Variants in GYS2 observed in about 807,000 individuals in gnomAD.
The protein encoded by GYS2 is glycogen synthase 2, also known as glycogen [starch] synthase, liver.
GYS2 carries 80 observed loss-of-function variants against 85.6 expected under a neutral mutation model. The observed-to-expected ratio is 0.93, with a 90% CI of 0.78 to 1.13. GYS2 has a LOEUF of 1.13. GYS2 is among the 50% of genes most tolerant of loss of function. GYS2 has a pLI of 0.00. For synonymous variants in GYS2, 328 were observed against 300.7 expected, an observed-to-expected ratio of 1.09 and a Z score of -0.94; for missense variants, 881 against 854.9, an observed-to-expected ratio of 1.03 and a Z score of -0.38.
chr12:21,539,376 C>G, intron 14 of GYS2, 38 bp from the exon 15 acceptor site: 1 of 1,055,812 alleles, frequency 9.5e-7, no homozygotes, highest in Non-Finnish European at 1.5e-6. Flanking sequence ...TAATAAAAAC[C>G]CTTAGATATC....
chr12:21,563,616 C>T (rs957560626), intron 5 of GYS2, among the ~76,000 whole-genome samples: 2 of 152,088 alleles, frequency 1.3e-5, no homozygotes, highest in Non-Finnish European at 2.9e-5. Context: ...TAATCAATAA[C>T]AATAATAATG....
intron 10 of GYS2, among the ~76,000 whole-genome samples, 159 bp downstream of exon 10, chr12:21,558,932 A>G (rs932468598): frequency 2.6e-5 from 4 of 152,222 alleles, no homozygotes; most frequent in African/African-American, 9.6e-5. Context: ...CCACTAATGA[A>G]AAAATGTCCA....
intron 3 of GYS2, among the ~76,000 whole-genome samples, chr12:21,575,225 CA>C (rs1405794592): frequency 6.6e-6 from 1 of 152,148 alleles, no homozygotes; most frequent in Non-Finnish European, 1.5e-5. Flanking sequence ...AATCAAATAG[CA>C]GCTTTGTAAC....
Position 21,563,338 on chromosome 12 carries a change from A to G in GYS2, c.831T>C (p.Val277=), listed in dbSNP as rs756223943. ...TCTTAACATTCAAGCCGTTTGGAGTAACTACATCTAGAAAGGCAAAACAAA... is the reference window on the plus strand; with the variant it reads ...TCTTAACATTCAAGCCGTTTGGAGTGACTACATCTAGAAAGGCAAAACAAA... ...EHMLKRKPDV[V]TPNGLNVKKF... The change falls in exon 6 of 16, where the codon GTT becomes GTC. Residue 277 remains valine (V), a synonymous_variant. Transcript: ENST00000261195. 42 of 1,552,026 alleles carry G rather than the reference A, an allele frequency of 2.7e-5. No individual in the cohort carries two copies. In the Middle Eastern group the frequency reaches 1.0e-3, roughly 37 times the overall value.
At chr12:21,562,459 G>T (rs2136881017) in intron 7 of GYS2, among the ~76,000 whole-genome samples, 1 of 152,176 alleles carries the variant, frequency 6.6e-6, no homozygotes, top group South Asian at 2.1e-4. Context: ...GTCATAACAA[G>T]GTTCAGTATT....
rs149141721 is a variant in GYS2 at position 21,571,269 on chromosome 12, T to C, written c.679-2260A>G. Among the ~76,000 whole-genome samples, 596 of 152,334 alleles carry C rather than the reference T, an allele frequency of 3.9e-3. 4 individuals are homozygous for C. The highest frequency in any genetic ancestry group is 0.014 in the African/African-American group (562 of 41,574). On this transcript the variant is annotated intron_variant, in intron 4 of 15. Transcript: ENST00000261195. ...GTACGCGTGGCCACTCCTGTGGCTT[T>C]ACAGAAACCTTATCCGTTTACACAT...
At chr12:21,556,799 A>T (rs990015172) in intron 11 of GYS2, among the ~76,000 whole-genome samples, 4 of 152,202 alleles carry the variant, frequency 2.6e-5, no homozygotes, top group Non-Finnish European at 5.9e-5. Flanking sequence ...GTCACTAAGG[A>T]TGACCTTTTC....
chr12:21,533,415 T>G (rs1034400019), downstream of GYS2, among the ~76,000 whole-genome samples: 7 of 152,234 alleles, frequency 4.6e-5, no homozygotes, highest in African/African-American at 1.7e-4. Flanking sequence ...CATTATTTTA[T>G]CTTGACCACA....
intron 11 of GYS2, among the ~76,000 whole-genome samples, chr12:21,548,819 C>CT (rs1271799055): frequency 5.3e-5 from 8 of 151,830 alleles, no homozygotes; most frequent in South Asian, 2.1e-4. Flanking sequence ...TTTCCCAGCG[C>CT]TTTTTTTTGG....
Position 21,558,214 on chromosome 12 carries a change from T to A in GYS2, c.1408A>T (p.Thr470Ser). The A allele has an allele frequency of 6.2e-7, 1 of 1,601,706 alleles. No individual in the cohort carries two copies. Among genetic ancestry groups the A allele is most frequent in the African/African-American group, 1.3e-5 (1 of 74,838 alleles). Residue 470 changes from threonine to serine, a missense_variant, in exon 11 of 16, where the codon ACA becomes TCA. Transcript: ENST00000261195. ...IRRIGLFNNR[T>S]DRVKVILHPE... Reference sequence around the variant, plus strand: ...ATTTGTTCTACCTTGACTCTATCTGTGCGGTTGTTGAAAAGTCCAATCCGT... The same window carrying A: ...ATTTGTTCTACCTTGACTCTATCTGAGCGGTTGTTGAAAAGTCCAATCCGT...
intron 1 of GYS2, among the ~76,000 whole-genome samples, chr12:21,586,256 C>G (rs1388683187): frequency 1.3e-5 from 2 of 152,132 alleles, no homozygotes; most frequent in East Asian, 3.9e-4. Context: ...ACATCTTTCT[C>G]CCATGCTGGA....
At chr12:21,539,715 A>G (rs1315864126) in intron 14 of GYS2, among the ~76,000 whole-genome samples, 2 of 152,200 alleles carry the variant, frequency 1.3e-5, no homozygotes, top group African/African-American at 4.8e-5. Flanking sequence ...ACCTTAGGCA[A>G]GAAACATCAC....
chr12:21,552,536 A>G (rs545031595), intron 11 of GYS2, among the ~76,000 whole-genome samples: 1 of 152,360 alleles, frequency 6.6e-6, no homozygotes, highest in African/African-American at 2.4e-5. Flanking sequence ...TTAATAAAAT[A>G]TAATACCTAA....
chr12:21,572,985 A>G lies in GYS2; in HGVS notation c.678+1159T>C, dbSNP rs558737431. On this transcript the variant is annotated intron_variant, in intron 4 of 15. Transcript: ENST00000261195. ...GCCCTTATTAGTCCACCATTACTAT[A>G]TACCGCTAAGAACCTCCCAGATCCC... Among the ~76,000 whole-genome samples the G allele has an allele frequency of 3.9e-5, 6 of 152,300 alleles. No homozygotes were observed. The East Asian group carries it at 1.2e-3, about 29-fold the overall frequency.
intron 11 of GYS2, among the ~76,000 whole-genome samples, chr12:21,555,920 C>G (rs1296706378): frequency 1.3e-5 from 2 of 152,212 alleles, no homozygotes; most frequent in African/African-American, 4.8e-5. Context: ...CTAGGGCCAT[C>G]TATGTGCATG....
At chr12:21,548,768 G>C (rs187081875) in intron 11 of GYS2, among the ~76,000 whole-genome samples, 36 of 152,126 alleles carry the variant, frequency 2.4e-4, no homozygotes, top group African/African-American at 6.7e-4. Context: ...ACTCCATATT[G>C]TCAATTCTAT....
intron 11 of GYS2, among the ~76,000 whole-genome samples, chr12:21,552,625 T>G (rs1006890708): frequency 1.3e-5 from 2 of 152,244 alleles, no homozygotes; most frequent in Non-Finnish European, 2.9e-5. Context: ...TTATTTTGTG[T>G]GTGTGTCTGT....
At chr12:21,574,443 T>A in intron 3 of GYS2, 117 bp from the exon 4 acceptor site, 2 of 746,860 alleles carry the variant, frequency 2.7e-6, no homozygotes, top group Non-Finnish European at 4.6e-6. Flanking sequence ...CTTAAAGGAG[T>A]CGAAACATAA....
intron 5 of GYS2, among the ~76,000 whole-genome samples, chr12:21,564,586 C>T (rs1944295791): frequency 6.6e-6 from 1 of 152,122 alleles, no homozygotes; most frequent in Non-Finnish European, 1.5e-5. Context: ...TTGTTACACT[C>T]TTTTACATAC....
Sources: gnomAD v4.1 joint callset for allele counts (sites outside exome capture counted in the v4.1 genomes callset) on GRCh38, gnomAD v4.1.1 for gene constraint, MANE v1.5 for transcripts, NCBI Gene and HGNC (gene_info 2026-07-23, HGNC 2026-07-21) for gene names.